The following TRIO variants were observed in gnomAD, a reference collection of about 807,000 sequenced individuals.
TRIO encodes the protein triple functional domain protein.
A neutral mutation model predicts 351.9 loss-of-function variants in TRIO; 58 were observed. The observed-to-expected ratio is 0.16, with a 90% CI of 0.13 to 0.21. TRIO has a LOEUF of 0.21. Ranked by LOEUF, TRIO falls within the 10% of genes least tolerant of loss-of-function variation. The pLI is 1.00. For synonymous variants in TRIO, 1,758 were observed against 1,595.7 expected, an observed-to-expected ratio of 1.10 and a Z score of -2.42; for missense variants, 3,201 against 4,027.8, an observed-to-expected ratio of 0.79 and a Z score of 5.56.
chr5:14,369,297 A>G (rs1744871234), intron 17 of TRIO, 77 bp from the exon 18 acceptor site: 10 of 1,512,252 alleles, frequency 6.6e-6, no homozygotes, highest in African/African-American at 1.4e-5. Flanking sequence ...CCAGAGCCCG[A>G]CTGAAAGGGC....
chr5:14,247,143 A>T (rs1028826594), intron 1 of TRIO, among the ~76,000 whole-genome samples: 3 of 152,138 alleles, frequency 2.0e-5, no homozygotes, highest in Admixed American at 6.5e-5. Context: ...GTGGCCCCTC[A>T]GTGAGCCTCG....
At chr5:14,248,403 A>G (rs1162320174) in intron 1 of TRIO, among the ~76,000 whole-genome samples, 3 of 152,232 alleles carry the variant, frequency 2.0e-5, no homozygotes, top group Non-Finnish European at 4.4e-5. Context: ...GCCAATTTAA[A>G]GTGACATTGA....
At chr5:14,187,703 G>A (rs1433591892) in intron 1 of TRIO, among the ~76,000 whole-genome samples, 1 of 152,172 alleles carries the variant, frequency 6.6e-6, no homozygotes, top group Non-Finnish European at 1.5e-5. Flanking sequence ...TAAGTAAAAG[G>A]TGATATGAAT....
chr5:14,174,467 C>T (rs1789289490), intron 1 of TRIO, among the ~76,000 whole-genome samples: 1 of 152,176 alleles, frequency 6.6e-6, no homozygotes, highest in East Asian at 1.9e-4. Context: ...TCTACCCAGT[C>T]AACTTCCTCT....
At chr5:14,304,241 T>C (rs140663925) in intron 7 of TRIO, among the ~76,000 whole-genome samples, 2 of 152,278 alleles carry the variant, frequency 1.3e-5, no homozygotes, top group Non-Finnish European at 2.9e-5. Context: ...ATCTGAAATG[T>C]GGATTCCTCG....
intron 52 of TRIO, 111 bp downstream of exon 52, chr5:14,498,362 T>C (rs1731865605): frequency 1.3e-6 from 2 of 1,517,296 alleles, no homozygotes; most frequent in Admixed American, 2.0e-5. Context: ...CCTTCGGCAC[T>C]CCACTTCTTC....
chr5:14,243,407 T>G (rs1794247496), intron 1 of TRIO, among the ~76,000 whole-genome samples: 1 of 152,338 alleles, frequency 6.6e-6, no homozygotes, highest in South Asian at 2.1e-4. Context: ...ATTCAGTTGT[T>G]TCTAGCTTAG....
At chr5:14,176,463 C>A (rs916933482) in intron 1 of TRIO, among the ~76,000 whole-genome samples, 1 of 152,036 alleles carries the variant, frequency 6.6e-6, no homozygotes, top group African/African-American at 2.4e-5. Context: ...CAGCGAGACT[C>A]TGTCTCAAAA....
At chr5:14,242,240 C>G (rs1487328815) in intron 1 of TRIO, among the ~76,000 whole-genome samples, 1 of 152,228 alleles carries the variant, frequency 6.6e-6, no homozygotes, top group Non-Finnish European at 1.5e-5. Context: ...TTTCCGTTGA[C>G]TAACAGAAAG....
At chr5:14,421,908 T>C (rs912537527) in intron 34 of TRIO, among the ~76,000 whole-genome samples, 1 of 152,170 alleles carries the variant, frequency 6.6e-6, no homozygotes, top group African/African-American at 2.4e-5. Flanking sequence ...CTCTGTCCCC[T>C]GGGAAGCAGA....
At position 14,492,762 on chromosome 5, in the gene TRIO, G is replaced by A; in HGVS notation, c.7828G>A (p.Val2610Ile). The A allele has an allele frequency of 6.2e-7, 1 of 1,614,152 alleles. No homozygotes were observed. Among genetic ancestry groups the A allele is most frequent in the Middle Eastern group, 1.7e-4 (1 of 6,060 alleles). The change falls in exon 49 of 57, where the codon GTC becomes ATC. Residue 2610 changes from valine (V) to isoleucine (I), a missense_variant. Val to Ile is a conservative substitution (Grantham distance 29). Transcript: ENST00000344204. ...AGCTGAGGGCTGGATTCCAGGCTTT[G>A]TCCTGGGCCACACCAGTGCAGTCAT... ...PAAEGWIPGF[V>I]LGHTSAVIVE...
intron 53 of TRIO, among the ~76,000 whole-genome samples, chr5:14,502,318 A>G (rs541918191): frequency 6.6e-6 from 1 of 152,364 alleles, no homozygotes; most frequent in Admixed American, 6.5e-5. Context: ...TAATTTAATG[A>G]AATACATCCA....
chr5:14,319,501 A>C, intron 9 of TRIO, among the ~76,000 whole-genome samples: 1 of 152,362 alleles, frequency 6.6e-6, no homozygotes, highest in Non-Finnish European at 1.5e-5. Flanking sequence ...TGAAAGAAAA[A>C]TAGTAGTACT....
At chr5:14,367,747 A>G (rs1744726440) in intron 16 of TRIO, among the ~76,000 whole-genome samples, 1 of 152,202 alleles carries the variant, frequency 6.6e-6, no homozygotes, top group Non-Finnish European at 1.5e-5. Context: ...TAGAGAAGAA[A>G]GCTACAGAAG....
At chr5:14,435,562 C>A (rs770923122) in intron 34 of TRIO, among the ~76,000 whole-genome samples, 5 of 152,242 alleles carry the variant, frequency 3.3e-5, no homozygotes, top group Non-Finnish European at 7.3e-5. Context: ...CTCAGTAGTT[C>A]TTGCCTACAA....
chr5:14,151,368 TTGTGTGTGTGTGTGTGTTTGTGTGTG>T (rs1236170983), intron 1 of TRIO, among the ~76,000 whole-genome samples: 4 of 123,526 alleles, frequency 3.2e-5, no homozygotes, highest in South Asian at 2.8e-4. Context: ...TGTTTTTTCA[TTGTGTGTGTGTGTGTGTTTGTGTGTG>T]TGTGTGTGTG....
At chr5:14,406,064 T>C in intron 32 of TRIO, 74 bp downstream of exon 32, 4 of 1,545,528 alleles carry the variant, frequency 2.6e-6, no homozygotes, top group Non-Finnish European at 3.5e-6. Context: ...TCACCCTGCT[T>C]CAAAAATCCT....
intron 1 of TRIO, among the ~76,000 whole-genome samples, 175 bp from the exon 2 acceptor site, chr5:14,270,650 G>C (rs902359332): frequency 1.3e-5 from 2 of 152,164 alleles, no homozygotes; most frequent in African/African-American, 4.8e-5. Context: ...CATTAAAATA[G>C]AAGACAGTTT....
intron 1 of TRIO, among the ~76,000 whole-genome samples, chr5:14,253,483 G>A (rs1464027254): frequency 1.3e-5 from 2 of 152,206 alleles, no homozygotes; most frequent in African/African-American, 4.8e-5. Flanking sequence ...AGCCTGAGTA[G>A]CTGGGACCAC....
Sources: gnomAD v4.1 joint callset for allele counts (sites outside exome capture counted in the v4.1 genomes callset) on GRCh38, gnomAD v4.1.1 for gene constraint, MANE v1.5 for transcripts, NCBI Gene and HGNC (gene_info 2026-07-23, HGNC 2026-07-21) for gene names.